Variants in PCDHA2 observed in about 807,000 individuals in gnomAD.
PCDHA2 encodes the protein protocadherin alpha 2, also known as protocadherin alpha-2.
Under a neutral mutation model 66.0 loss-of-function variants are expected in PCDHA2, and 58 were observed. The observed-to-expected ratio is 0.88, with a 90% CI of 0.71 to 1.09. The LOEUF (loss-of-function observed/expected upper bound fraction) is 1.09, where lower values mean the gene tolerates loss of function less well. Among genes scored for constraint, PCDHA2 ranks in the 50% least tolerant of loss-of-function variants. The pLI is 0.00. For missense variants in PCDHA2, 1,267 were observed against 1,242.3 expected, an observed-to-expected ratio of 1.02 and a Z score of -0.30; for synonymous variants, 634 against 554.0, an observed-to-expected ratio of 1.14 and a Z score of -2.03.
At chr5:140,822,661 T>G in intron 1 of PCDHA2, 1 of 1,609,178 alleles carries the variant, frequency 6.2e-7, no homozygotes. Flanking sequence ...TATAATTAAT[T>G]CTAATACTGG....
intron 1 of PCDHA2, chr5:140,858,692 C>A: frequency 1.7e-6 from 1 of 580,634 alleles, no homozygotes; most frequent in Non-Finnish European, 2.9e-6. Flanking sequence ...TAATATTTTC[C>A]AATACAAATA....
chr5:140,829,453 G>A, intron 1 of PCDHA2: 1 of 1,613,920 alleles, frequency 6.2e-7, no homozygotes. Flanking sequence ...ATGCTCCGGC[G>A]TTCGCGCAGC....
At chr5:140,876,649 G>A (rs372867848) in intron 1 of PCDHA2, 6 of 1,614,222 alleles carry the variant, frequency 3.7e-6, no homozygotes, top group Non-Finnish European at 5.1e-6. Flanking sequence ...GACACCTCAT[G>A]TTCCCTTCAA....
chr5:140,823,207 G>A, intron 1 of PCDHA2: 1 of 1,613,830 alleles, frequency 6.2e-7, no homozygotes, highest in Non-Finnish European at 8.5e-7. Flanking sequence ...CACGGTGTCT[G>A]CACGGGACGC....
intron 1 of PCDHA2, among the ~76,000 whole-genome samples, chr5:140,978,099 C>T (rs547323907): frequency 1.1e-4 from 17 of 152,292 alleles, no homozygotes; most frequent in African/African-American, 3.6e-4. Flanking sequence ...ACATAACTCC[C>T]CCAACAGTCT....
chr5:140,809,372 G>A, intron 1 of PCDHA2: 2 of 1,614,010 alleles, frequency 1.2e-6, no homozygotes, highest in Non-Finnish European at 1.7e-6. Flanking sequence ...GCTGCCCACC[G>A]AGGGCGCGTG....
chr5:140,965,206 T>A (rs2095879920), intron 1 of PCDHA2, among the ~76,000 whole-genome samples: 1 of 152,238 alleles, frequency 6.6e-6, no homozygotes. Flanking sequence ...AGATTTCAAA[T>A]TCCTGTGGAA....
chr5:140,957,581 C>T (rs1396438252), intron 1 of PCDHA2, among the ~76,000 whole-genome samples: 3 of 152,066 alleles, frequency 2.0e-5, no homozygotes, highest in South Asian at 2.1e-4. Flanking sequence ...GTACTTTTAA[C>T]AAAGCACTTC....
intron 1 of PCDHA2, chr5:140,855,953 TA>T: frequency 7.2e-7 from 1 of 1,381,088 alleles, no homozygotes; most frequent in Non-Finnish European, 9.9e-7. Context: ...GCCATTTCGA[TA>T]AAAAATAGAT....
In PCDHA2 at chr5:140,877,160, C is replaced by A. The variant is rs782531082; in HGVS notation, c.2388+79808C>A. 4 of 1,613,814 alleles carry A rather than the reference C, an allele frequency of 2.5e-6. No individual in the cohort carries two copies. Among genetic ancestry groups the A allele is most frequent in the African/African-American group, 2.7e-5 (2 of 75,052 alleles). On this transcript the variant is annotated intron_variant, in intron 1 of 3. Transcript: ENST00000526136. ...GTGCTGGACGAGAACGACAACGCGC[C>A]GGCACTGCTGGCGACTCCGGCTGGC...
chr5:140,931,993 T>C (rs1350907359), intron 1 of PCDHA2, among the ~76,000 whole-genome samples: 8 of 152,090 alleles, frequency 5.3e-5, no homozygotes, highest in Admixed American at 3.3e-4. Context: ...GCTCAAATTC[T>C]AAGTTCTTTC....
chr5:140,891,433 G>A (rs1256174929), intron 1 of PCDHA2, among the ~76,000 whole-genome samples: 1 of 145,874 alleles, frequency 6.9e-6, no homozygotes, highest in African/African-American at 2.6e-5. Flanking sequence ...AGTCCCCAAC[G>A]TCCATTGTAT....
chr5:140,803,496 ACCGAC>A (rs1763217620), intron 1 of PCDHA2: 1 of 1,614,106 alleles, frequency 6.2e-7, no homozygotes, highest in African/African-American at 1.3e-5. Flanking sequence ...GTTGCCCAAG[ACCGAC>A]CTCATGGCTT....
chr5:140,795,399 A>G lies in PCDHA2; in HGVS notation c.435A>G (p.Ser145=). ...TAAAGACTATCCGGTTTCCCGAATC[A>G]AGGCTGCTTGATTCTCGGTTTCCTC... ...MTVKTIRFPE[S]RLLDSRFPLE... The change falls in exon 1 of 4, where the codon TCA becomes TCG. Residue 145 remains serine (S), a synonymous_variant. Transcript: ENST00000526136. 4 of 1,614,204 alleles carry G rather than the reference A, an allele frequency of 2.5e-6. No homozygotes were observed. The highest frequency in any genetic ancestry group is 2.5e-6 in the Non-Finnish European group (3 of 1,180,040).
At chr5:140,904,176 C>T (rs782427504) in intron 1 of PCDHA2, among the ~76,000 whole-genome samples, 31 of 152,098 alleles carry the variant, frequency 2.0e-4, no homozygotes, top group African/African-American at 6.7e-4. Context: ...TTTTATTCCT[C>T]ACCCCCTTCC....
intron 1 of PCDHA2, chr5:140,808,810 C>G: frequency 6.2e-7 from 1 of 1,612,770 alleles, no homozygotes; most frequent in South Asian, 1.1e-5. Flanking sequence ...GCGATGCCGG[C>G]GTGCCACCTC....
intron 1 of PCDHA2, chr5:140,867,796 C>A (rs1477266622): frequency 4.6e-5 from 7 of 152,060 alleles, no homozygotes; most frequent in African/African-American, 1.7e-4. Context: ...TTTTACTTAG[C>A]ATTTTCTATG....
intron 1 of PCDHA2, chr5:140,825,422 A>C (rs897290918): frequency 6.8e-6 from 1 of 147,148 alleles, no homozygotes; most frequent in African/African-American, 2.5e-5. Flanking sequence ...TATAATATAT[A>C]TAATAAATAT....
chr5:140,927,587 T>A, intron 1 of PCDHA2: 18 of 1,614,162 alleles, frequency 1.1e-5, no homozygotes, highest in Non-Finnish European at 1.5e-5. Context: ...AACGCGCCTG[T>A]ATTTGAGCGC....
Sources: allele counts gnomAD v4.1 joint callset (sites outside exome capture counted in the v4.1 genomes callset), GRCh38; gene constraint gnomAD v4.1.1; transcripts MANE v1.5; gene names NCBI Gene and HGNC (gene_info 2026-07-23, HGNC 2026-07-21).